ANK2: variants seen among roughly 807,000 people sequenced by gnomAD.
ANK2 encodes the protein ankyrin-2.
In ANK2, 83 loss-of-function variants were observed where a neutral mutation model predicts 360.5. The observed-to-expected ratio is 0.23, with a 90% CI of 0.19 to 0.28. ANK2 has a LOEUF of 0.28. ANK2 is among the 10% of genes least tolerant of loss of function. ANK2 has a pLI of 1.00. For missense variants in ANK2, 4,201 were observed against 4,795.7 expected (o/e 0.88, Z 3.66); for synonymous variants, 1,740 against 1,759.5 (o/e 0.99, Z 0.28).
intron 2 of ANK2, among the ~76,000 whole-genome samples, chr4:112,960,266 G>A (rs892622350): frequency 6.6e-6 from 1 of 151,946 alleles, no homozygotes; most frequent in Non-Finnish European, 1.5e-5. Context: ...TTTGGGGTCT[G>A]GTTGTCTAGA....
chr4:113,362,411 T>C (rs1050192756), intron 39 of ANK2, among the ~76,000 whole-genome samples: 1 of 152,108 alleles, frequency 6.6e-6, no homozygotes, highest in Non-Finnish European at 1.5e-5. Context: ...TAAGCATCCA[T>C]ATGTAATGGT....
At chr4:113,209,406 C>T (rs1466492757) in intron 4 of ANK2, among the ~76,000 whole-genome samples, 1 of 151,930 alleles carries the variant, frequency 6.6e-6, no homozygotes, top group African/African-American at 2.4e-5. Flanking sequence ...AGATGCAAAT[C>T]TCCCCCACAG....
At chr4:112,746,551 C>T in the ANK2 span, among the ~76,000 whole-genome samples, 1 of 149,528 alleles carries the variant, frequency 6.7e-6, no homozygotes, top group African/African-American at 2.5e-5. Flanking sequence ...TTTTTGAATA[C>T]AGACCTCCTC....
intron 1 of ANK2, among the ~76,000 whole-genome samples, chr4:112,868,499 A>T (rs1015514721): frequency 1.3e-5 from 2 of 152,242 alleles, no homozygotes; most frequent in African/African-American, 4.8e-5. Flanking sequence ...AAAAACATTA[A>T]TCTGCTCCTG....
At chr4:113,039,883 G>T (rs10015551) in intron 2 of ANK2, among the ~76,000 whole-genome samples, 86,099 of 151,638 alleles carry the variant, frequency 0.57, 25,079 homozygotes, top group Non-Finnish European at 0.64. Context: ...TATAATGGAC[G>T]TAAATATGGA....
At chr4:112,863,688 A>G (rs965091605) in intron 1 of ANK2, among the ~76,000 whole-genome samples, 2 of 151,620 alleles carry the variant, frequency 1.3e-5, no homozygotes, top group African/African-American at 4.8e-5. Context: ...ACGCCCGGCT[A>G]ATTTTTTGTA....
intron 4 of ANK2, among the ~76,000 whole-genome samples, chr4:113,208,624 T>C (rs1248329439): frequency 6.6e-6 from 1 of 151,888 alleles, no homozygotes; most frequent in East Asian, 1.9e-4. Context: ...ACCTCAGCTT[T>C]CTGAGTAGCT....
At chr4:113,312,506 CTT>C (rs893775935) in intron 24 of ANK2, among the ~76,000 whole-genome samples, 2 of 147,374 alleles carry the variant, frequency 1.4e-5, no homozygotes, top group Non-Finnish European at 3.0e-5. Context: ...CTTCCACTAT[CTT>C]TTTTTTTTTC....
intron 1 of ANK2, among the ~76,000 whole-genome samples, chr4:113,113,936 T>C (rs1029154311): frequency 6.6e-6 from 1 of 152,196 alleles, no homozygotes; most frequent in African/African-American, 2.4e-5. Flanking sequence ...AAGCTAGTTA[T>C]AAAGAGGCAA....
intron 24 of ANK2, among the ~76,000 whole-genome samples, chr4:113,313,964 A>G (rs2081457731): frequency 6.6e-6 from 1 of 152,208 alleles, no homozygotes; most frequent in African/African-American, 2.4e-5. Flanking sequence ...GCTTTGTTTC[A>G]ACAATCACTG....
rs2076082420 is a variant in ANK2, at chr4:113,303,890, A to ACCT, written c.2548+1051_2548+1052insCCT. Among the ~76,000 whole-genome samples the ACCT allele has an allele frequency of 2.0e-5, 3 of 152,244 alleles. No individual in the cohort carries two copies. In the South Asian group the frequency reaches 6.2e-4, roughly 31 times the overall value. On this transcript the variant is annotated intron_variant, in intron 23 of 45. Coordinates refer to ENST00000357077, the MANE Select transcript of ANK2 (RefSeq NM_001148.6). ...TTGCTTTTATACAGAGAAATATTAA[A>ACCT]GATGTTTCTTTAGGTTCTTTAAGAT...
chr4:112,707,733 C>T, the ANK2 span, among the ~76,000 whole-genome samples: 1 of 152,120 alleles, frequency 6.6e-6, no homozygotes, highest in Admixed American at 6.6e-5. Flanking sequence ...TATGTGCACT[C>T]AGACATTTCT....
chr4:113,217,174 G>C (rs2099094392), intron 4 of ANK2: 2 of 152,176 alleles, frequency 1.3e-5, no homozygotes, highest in South Asian at 4.2e-4. Context: ...CATCATTCTA[G>C]ATGGCCAAAA....
At chr4:113,021,165 C>T (rs932009359) in intron 2 of ANK2, among the ~76,000 whole-genome samples, 1 of 104,064 alleles carries the variant, frequency 9.6e-6, no homozygotes, top group Non-Finnish European at 2.0e-5. Context: ...CCTTCAAAAG[C>T]ACAGAGAGGG....
chr4:112,877,787 A>G (rs1316535848), intron 1 of ANK2, among the ~76,000 whole-genome samples: 1 of 152,160 alleles, frequency 6.6e-6, no homozygotes, highest in East Asian at 1.9e-4. Context: ...ACCCACTGCA[A>G]TTTACCTTTT....
intron 2 of ANK2, among the ~76,000 whole-genome samples, chr4:113,000,825 G>A (rs1455323474): frequency 6.6e-6 from 1 of 152,108 alleles, no homozygotes; most frequent in Non-Finnish European, 1.5e-5. Flanking sequence ...CATTAGAATT[G>A]TTGATTTTAT....
At chr4:113,092,543 T>C (rs1042677767) in intron 1 of ANK2, among the ~76,000 whole-genome samples, 5 of 152,080 alleles carry the variant, frequency 3.3e-5, no homozygotes, top group African/African-American at 9.7e-5. Flanking sequence ...GTTAGATAGA[T>C]TGGATTCTGC....
rs976255436 is a variant in ANK2, at chr4:113,382,579, A to G, written c.*1108A>G. The G allele has an allele frequency of 6.6e-6, 1 of 151,964 alleles. No homozygotes were observed. Among genetic ancestry groups the G allele is most frequent in the South Asian group, 2.1e-4 (1 of 4,806 alleles). The allele number at this position is 151,964 out of a possible 1,614,324, so 9.4% of individuals were successfully genotyped here. On this transcript the variant is annotated 3_prime_UTR_variant, in exon 46 of 46. Transcript: ENST00000357077. ...AGATAATTCATTGGAAACAAGATTTACCCACTACATAAAAGGTTAAACTCC... is the reference window on the plus strand; with the variant it reads ...AGATAATTCATTGGAAACAAGATTTGCCCACTACATAAAAGGTTAAACTCC...
At chr4:113,138,699 G>C (rs1441941554) in intron 1 of ANK2, among the ~76,000 whole-genome samples, 4 of 152,196 alleles carry the variant, frequency 2.6e-5, no homozygotes, top group African/African-American at 9.6e-5. Context: ...GGATTACACA[G>C]AACTGAGCTC....
Sources: gnomAD v4.1 joint callset for allele counts (sites outside exome capture counted in the v4.1 genomes callset) on GRCh38, gnomAD v4.1.1 for gene constraint, MANE v1.5 for transcripts, NCBI Gene and HGNC (gene_info 2026-07-23, HGNC 2026-07-21) for gene names.